Variants in EZH2 observed in about 807,000 individuals in gnomAD.
EZH2 encodes the protein histone-lysine N-methyltransferase EZH2.
A neutral mutation model predicts 98.4 loss-of-function variants in EZH2; 18 were observed. That is an observed-to-expected ratio of 0.18 (90% CI 0.13 to 0.27). EZH2 has a LOEUF of 0.27. EZH2 is among the 10% of genes least tolerant of loss of function. The pLI, the probability that EZH2 is intolerant of heterozygous loss-of-function variation, is 1.00. For synonymous variants in EZH2, 338 were observed against 312.3 expected, an observed-to-expected ratio of 1.08 and a Z score of -0.87; for missense variants, 470 against 935.1, an observed-to-expected ratio of 0.50 and a Z score of 6.49.
At chr7:148,828,587 CATA>C (rs1397361566) in intron 6 of EZH2, among the ~76,000 whole-genome samples, 150 bp downstream of exon 6, 2 of 152,042 alleles carry the variant, frequency 1.3e-5, no homozygotes, top group African/African-American at 2.4e-5. Context: ...CCTACCTGGC[CATA>C]ATATGTTAAT....
At chr7:148,847,041 C>A (rs1281280622) in intron 2 of EZH2, 141 bp downstream of exon 2, 4 of 971,146 alleles carry the variant, frequency 4.1e-6, no homozygotes, top group Non-Finnish European at 5.9e-6. Context: ...AGATCAAGAA[C>A]CTAAGCTTCC....
chr7:148,812,126 A>G (rs963979423), intron 15 of EZH2, among the ~76,000 whole-genome samples: 2 of 151,930 alleles, frequency 1.3e-5, no homozygotes, highest in African/African-American at 4.8e-5. Flanking sequence ...CTTTCCCTCT[A>G]CTTTCCCCAA....
rs1815524851 is a variant in EZH2, at chr7:148,850,754, C to T, written c.-7-3449G>A. Among the ~76,000 whole-genome samples, 4 of 152,094 alleles carry T rather than the reference C, an allele frequency of 2.6e-5. No individual in the cohort carries two copies. The South Asian group carries it at 8.3e-4, about 32-fold the overall frequency. ...GTAGTCCCCACTTATCTCCCAAGAC[C>T]GCCCCCCGCCAACCCCACAGCGGAT... On this transcript the variant is annotated intron_variant, in intron 1 of 19. Coordinates refer to ENST00000320356, the MANE Select transcript of EZH2 (RefSeq NM_004456.5).
chr7:148,883,804 C>T (rs1821387820), intron 1 of EZH2, among the ~76,000 whole-genome samples: 2 of 151,930 alleles, frequency 1.3e-5, no homozygotes, highest in Non-Finnish European at 2.9e-5. Context: ...ACTTGAGGCT[C>T]GAGCTGCCAC....
chr7:148,826,270 T>C (rs1303562913), intron 8 of EZH2, among the ~76,000 whole-genome samples, 184 bp downstream of exon 8: 1 of 149,570 alleles, frequency 6.7e-6, no homozygotes, highest in Non-Finnish European at 1.5e-5. Context: ...CCAAATGAAA[T>C]ACATGCAAAA....
chr7:148,808,037 T>G (rs993624183), intron 19 of EZH2, among the ~76,000 whole-genome samples: 3 of 152,156 alleles, frequency 2.0e-5, no homozygotes, highest in Non-Finnish European at 4.4e-5. Context: ...ATCAGGATGC[T>G]TAGGCCTGAC....
chr7:148,816,634 G>A (rs1341871430), intron 12 of EZH2, 50 bp downstream of exon 12: 6 of 1,396,468 alleles, frequency 4.3e-6, no homozygotes, highest in East Asian at 2.3e-5. Context: ...GGCCTTGCCT[G>A]CAGTGTCTAT....
intron 3 of EZH2, among the ~76,000 whole-genome samples, chr7:148,846,109 A>G (rs555080878): frequency 2.5e-3 from 376 of 152,326 alleles, no homozygotes; most frequent in Middle Eastern, 6.8e-3. Flanking sequence ...AACATTTCTT[A>G]CCACATGGCT....
At chr7:148,808,592 C>T (rs549577170) in intron 19 of EZH2, among the ~76,000 whole-genome samples, 13 of 152,266 alleles carry the variant, frequency 8.5e-5, no homozygotes, top group African/African-American at 2.6e-4. Flanking sequence ...GATCAGACAG[C>T]GATTTGCCAA....
At chr7:148,839,148 G>GA (rs1329245123) in intron 3 of EZH2, among the ~76,000 whole-genome samples, 1 of 151,766 alleles carries the variant, frequency 6.6e-6, no homozygotes, top group African/African-American at 2.4e-5. Flanking sequence ...TTTCTGAAGG[G>GA]AAACACTTCA....
intron 3 of EZH2, among the ~76,000 whole-genome samples, chr7:148,841,307 CAGAA>C (rs1438985718): frequency 1.3e-5 from 2 of 151,464 alleles, no homozygotes; most frequent in African/African-American, 4.9e-5. Flanking sequence ...TAAATAAAGC[CAGAA>C]AGAAAGCAAA....
intron 1 of EZH2, among the ~76,000 whole-genome samples, chr7:148,861,796 T>C (rs1319150123): frequency 9.3e-6 from 1 of 107,338 alleles, no homozygotes. Flanking sequence ...CATAGCCTTC[T>C]TTTATTTAAA....
intron 9 of EZH2, 132 bp from the exon 10 acceptor site, chr7:148,818,249 T>G: frequency 1.1e-6 from 1 of 950,052 alleles, no homozygotes; most frequent in Non-Finnish European, 1.5e-6. Flanking sequence ...AAATAATCAT[T>G]TGCATGTCTA....
At chr7:148,868,900 T>C (rs1449251536) in intron 1 of EZH2, among the ~76,000 whole-genome samples, 1 of 152,096 alleles carries the variant, frequency 6.6e-6, no homozygotes, top group African/African-American at 2.4e-5. Flanking sequence ...TTACATGCTA[T>C]TTGTAAATAA....
chr7:148,810,012 A>T (rs1008888536), intron 17 of EZH2, among the ~76,000 whole-genome samples: 4 of 152,222 alleles, frequency 2.6e-5, no homozygotes, highest in African/African-American at 9.6e-5. Flanking sequence ...CACTGACTGG[A>T]GGAGGTGTGC....
intron 1 of EZH2, among the ~76,000 whole-genome samples, chr7:148,859,877 A>G (rs73471840): frequency 0.011 from 1,627 of 152,308 alleles, 27 homozygotes; most frequent in African/African-American, 0.037. Flanking sequence ...CTAGCATTCA[A>G]GAGTTGCTTG....
chr7:148,850,372 C>T (rs545194436), intron 1 of EZH2: 422 of 419,052 alleles, frequency 1.0e-3, no homozygotes, highest in South Asian at 1.4e-3. Context: ...CATTAGTTAG[C>T]ATTTTATGTT....
At chr7:148,808,464 G>A (rs887896191) in intron 19 of EZH2, among the ~76,000 whole-genome samples, 5 of 152,232 alleles carry the variant, frequency 3.3e-5, no homozygotes, top group Admixed American at 1.3e-4. Flanking sequence ...ACTTAAATCT[G>A]TATTCAATGG....
At chr7:148,850,471 G>A (rs948752211) in intron 1 of EZH2, 1 of 965,736 alleles carries the variant, frequency 1.0e-6, no homozygotes. Context: ...AGTATATCAT[G>A]AAAATCTACA....
Sources: gnomAD v4.1 joint callset for allele counts (sites outside exome capture counted in the v4.1 genomes callset) on GRCh38, gnomAD v4.1.1 for gene constraint, MANE v1.5 for transcripts, NCBI Gene and HGNC (gene_info 2026-07-23, HGNC 2026-07-21) for gene names.